Variants in STAB2 observed in about 807,000 individuals in gnomAD.
STAB2 encodes the protein stabilin-2.
STAB2 carries 288 observed loss-of-function variants against 338.1 expected under a neutral mutation model. The observed-to-expected ratio is 0.85, with a 90% CI of 0.77 to 0.94. The LOEUF (loss-of-function observed/expected upper bound fraction) is 0.94. Among genes scored for constraint, STAB2 ranks in the 40% least tolerant of loss-of-function variants. STAB2 has a pLI of 0.00. For synonymous variants in STAB2, 1,202 were observed against 1,193.3 expected (o/e 1.01, Z -0.15); for missense variants, 3,141 against 3,210.1 (o/e 0.98, Z 0.52).
rs868195583 is a variant in STAB2 at position 103,740,805 on chromosome 12, C to T, written c.5881+49C>T. 3.3e-6 allele frequency: 5 copies of T among 1,515,270 alleles called. No homozygotes were observed. In the African/African-American group the frequency reaches 7.2e-5, roughly 22 times the overall value. The allele number at this position is 1,515,270 out of a possible 1,614,324, so 93.9% of individuals were successfully genotyped here. On this transcript the variant is annotated intron_variant, in intron 55 of 68. Coordinates refer to ENST00000388887, the MANE Select transcript of STAB2 (RefSeq NM_017564.10). The stretch of plus-strand genomic sequence containing the variant: ...GCAACTCTAAAAGTGGTAATATGCT[C>T]CTGCTCGTTGTCCAGTCTTTGAATG...
chr12:103,728,180 C>T, intron 47 of STAB2, among the ~76,000 whole-genome samples: 2 of 152,150 alleles, frequency 1.3e-5, no homozygotes, highest in Non-Finnish European at 2.9e-5. Context: ...GAGACAGGGT[C>T]TTGCTCTGTC....
chr12:103,649,065 G>A (rs1593181005), intron 10 of STAB2, among the ~76,000 whole-genome samples: 1 of 152,318 alleles, frequency 6.6e-6, no homozygotes, highest in East Asian at 1.9e-4. Flanking sequence ...GACAGGGTTT[G>A]GGGGTCGCCA....
intron 57 of STAB2, chr12:103,746,261 C>A: frequency 4.7e-6 from 1 of 212,096 alleles, no homozygotes; most frequent in South Asian, 7.3e-5. Context: ...CCATCGGGAA[C>A]CCCTGTCCTT....
At chr12:103,761,504 C>A (rs1884538484) in intron 66 of STAB2, 94 bp downstream of exon 66, 1 of 1,154,714 alleles carries the variant, frequency 8.7e-7, no homozygotes, top group African/African-American at 1.5e-5. Context: ...GTCCTCCTCC[C>A]TCTTCCTCCA....
intron 44 of STAB2, 66 bp from the exon 45 acceptor site, chr12:103,724,909 A>G: frequency 1.3e-6 from 2 of 1,582,032 alleles, no homozygotes; most frequent in South Asian, 1.1e-5. Context: ...TGCTTTGTAA[A>G]TATCGGTAGA....
intron 67 of STAB2, 54 bp from the exon 68 acceptor site, chr12:103,763,438 A>C: frequency 1.3e-6 from 2 of 1,554,144 alleles, no homozygotes; most frequent in South Asian, 2.3e-5. Context: ...AACTTGGCTG[A>C]GACGCTCCTG....
At chr12:103,619,756 G>C (rs116255658) in intron 3 of STAB2, among the ~76,000 whole-genome samples, 14,375 of 112,138 alleles carry the variant, frequency 0.13, 811 homozygotes, top group East Asian at 0.27. Flanking sequence ...AACGCCCCCC[G>C]CCCCCGCCAC....
In STAB2 at chr12:103,620,662, C is replaced by A. The variant is rs2138632008; in HGVS notation, c.417+109C>A. The A allele has an allele frequency of 4.3e-6, 4 of 927,410 alleles. No homozygotes were observed. In the South Asian group the frequency reaches 6.7e-5, roughly 16 times the overall value. 57.4% of individuals were successfully genotyped at this position (927,410 alleles called of 1,614,324 possible). Reference sequence around the variant, plus strand: ...ACACACACACACACACACGTGCACACACACATATACAGCGAAGTTCTTAAG... The same window carrying A: ...ACACACACACACACACACGTGCACAAACACATATACAGCGAAGTTCTTAAG... On this transcript the variant is annotated intron_variant, in intron 4 of 68. Transcript: ENST00000388887.
chr12:103,630,069 A>G (rs544564925), intron 5 of STAB2, among the ~76,000 whole-genome samples: 1 of 152,344 alleles, frequency 6.6e-6, no homozygotes, highest in Non-Finnish European at 1.5e-5. Context: ...TTTGGTTGGT[A>G]ATTGAGAGTC....
chr12:103,749,133 G>A lies in STAB2; in HGVS notation c.6415G>A (p.Ala2139Thr), dbSNP rs375507356. 60 of 1,605,740 alleles carry A rather than the reference G, an allele frequency of 3.7e-5. No individual in the cohort carries two copies. The highest frequency in any genetic ancestry group is 1.1e-4 in the East Asian group (5 of 44,636). The change falls in exon 59 of 69, where the codon GCC (alanine) becomes ACC (threonine). Residue 2139 changes from alanine (A) to threonine (T), a missense_variant. Physicochemically the swap from Ala to Thr is moderately conservative, Grantham distance 58. Coordinates refer to ENST00000388887, the MANE Select transcript of STAB2 (RefSeq NM_017564.10). ...CCTTAACGGAGGGTGTCACGAGCACGCCACCTGTAAGATGACAGGCCCGGT... is the reference window on the plus strand; with the variant it reads ...CCTTAACGGAGGGTGTCACGAGCACACCACCTGTAAGATGACAGGCCCGGT... ...DGLNGGCHEHATCKMTGPGKH... is the reference protein window; with the variant it reads ...DGLNGGCHEHTTCKMTGPGKH...
chr12:103,591,146 C>T (rs996136132), intron 2 of STAB2, 116 bp downstream of exon 2: 1 of 1,353,978 alleles, frequency 7.4e-7, no homozygotes, highest in Non-Finnish European at 1.0e-6. Context: ...TAAGCCCAAA[C>T]TTAGGTAACT....
At chr12:103,725,236 TGAA>T in intron 45 of STAB2, 142 bp downstream of exon 45, 1 of 1,354,962 alleles carries the variant, frequency 7.4e-7, no homozygotes, top group Middle Eastern at 1.9e-4. Context: ...AAATCAGCAA[TGAA>T]AAGAAATTTT....
chr12:103,762,514 T>G, intron 67 of STAB2, 112 bp downstream of exon 67: 1 of 1,537,550 alleles, frequency 6.5e-7, no homozygotes, highest in Non-Finnish European at 8.9e-7. Context: ...AGAAGCAGTG[T>G]GTCACACAGT....
intron 31 of STAB2, among the ~76,000 whole-genome samples, chr12:103,694,588 T>C (rs1878238943): frequency 6.6e-6 from 1 of 152,156 alleles, no homozygotes; most frequent in Admixed American, 6.5e-5. Flanking sequence ...CAAAATTTTA[T>C]TTTTAAGTAC....
At chr12:103,746,744 G>A (rs916554586) in intron 58 of STAB2, 40 bp downstream of exon 58, 1 of 1,597,022 alleles carries the variant, frequency 6.3e-7, no homozygotes, top group Non-Finnish European at 8.6e-7. Flanking sequence ...GCAGCATGGT[G>A]TGGGAGAGGA....
chr12:103,657,743 A>G (rs536264787), intron 15 of STAB2: 9 of 152,298 alleles, frequency 5.9e-5, no homozygotes, highest in South Asian at 2.1e-4. Flanking sequence ...TTCCATTTCA[A>G]TTTCTAGGTG....
intron 14 of STAB2, 48 bp downstream of exon 14, chr12:103,655,355 T>G: frequency 2.5e-6 from 4 of 1,605,280 alleles, no homozygotes; most frequent in Non-Finnish European, 3.4e-6. Context: ...TCAAGACTTT[T>G]GTAAAATTAG....
chr12:103,621,669 G>C (rs766538435), intron 4 of STAB2, among the ~76,000 whole-genome samples: 5 of 152,228 alleles, frequency 3.3e-5, no homozygotes, highest in African/African-American at 4.8e-5. Context: ...GTTTCAGTGA[G>C]CCGAGATCGT....
At chr12:103,730,674 C>T (rs1459530203) in intron 49 of STAB2, among the ~76,000 whole-genome samples, 1 of 152,152 alleles carries the variant, frequency 6.6e-6, no homozygotes, top group Admixed American at 6.5e-5. Flanking sequence ...ATAGTAGATA[C>T]ATCATCAAAT....
Sources: gnomAD v4.1 joint callset for allele counts (sites outside exome capture counted in the v4.1 genomes callset) on GRCh38, gnomAD v4.1.1 for gene constraint, MANE v1.5 for transcripts, NCBI Gene and HGNC (gene_info 2026-07-23, HGNC 2026-07-21) for gene names.